Variants in HS1BP3 observed in about 807,000 individuals in gnomAD.
HS1BP3 encodes HCLS1 binding protein 3, also known as HCLS1-binding protein 3.
A neutral mutation model predicts 33.5 loss-of-function variants in HS1BP3; 32 were observed. The observed-to-expected ratio is 0.95, with a 90% confidence interval of 0.72 to 1.28. The LOEUF is 1.28. HS1BP3 is among the 50% of genes most tolerant of loss of function. The probability of loss-of-function intolerance (pLI) is 0.00; values close to 1 mark genes in which losing one functional copy is unlikely to be tolerated. For synonymous variants in HS1BP3, 187 were observed against 209.2 expected (o/e 0.89, Z 0.92); for missense variants, 486 against 502.3 (o/e 0.97, Z 0.31).
At position 20,618,873 on chromosome 2, in the gene HS1BP3, T is replaced by C; in HGVS notation, c.*114A>G. ...TTCTGGGTGCTGTGACCCAGGCTTC[T>C]GCCTGGCCTCCCCTGGGGGTGGGGA... On this transcript the variant is annotated 3_prime_UTR_variant, in exon 7 of 7. Coordinates refer to ENST00000304031, the MANE Select transcript of HS1BP3 (RefSeq NM_022460.4). 1 of 1,453,948 alleles carries C rather than the reference T, an allele frequency of 6.9e-7. No individual in the cohort carries two copies. The highest frequency in any genetic ancestry group is 9.0e-7 in the Non-Finnish European group (1 of 1,105,982). The allele number at this position is 1,453,948 out of a possible 1,614,324, so 90.1% of individuals were successfully genotyped here.
downstream of HS1BP3, among the ~76,000 whole-genome samples, chr2:20,616,722 G>A (rs550259520): frequency 3.3e-5 from 5 of 152,226 alleles, no homozygotes; most frequent in Admixed American, 2.6e-4. Flanking sequence ...GGGCAGGGCA[G>A]CTTCCCTGGC....
intron 5 of HS1BP3, among the ~76,000 whole-genome samples, chr2:20,587,358 T>C (rs948976631): frequency 6.6e-6 from 1 of 152,060 alleles, no homozygotes; most frequent in Non-Finnish European, 1.5e-5. Context: ...CATAGAAACA[T>C]GATGGCCATC....
intron 2 of HS1BP3, among the ~76,000 whole-genome samples, chr2:20,604,767 C>G (rs1204091126): frequency 6.6e-6 from 1 of 152,132 alleles, no homozygotes; most frequent in Non-Finnish European, 1.5e-5. Flanking sequence ...AGAAGCCAAG[C>G]AGGTCGCAGA....
chr2:20,589,486 T>C (rs1203833064), downstream of HS1BP3, among the ~76,000 whole-genome samples: 6 of 152,186 alleles, frequency 3.9e-5, no homozygotes, highest in Admixed American at 6.5e-5. Flanking sequence ...AGGCTGCCGA[T>C]GAAGAGATCA....
chr2:20,577,541 C>A (rs1693429718), intron 5 of HS1BP3, among the ~76,000 whole-genome samples: 1 of 152,146 alleles, frequency 6.6e-6, no homozygotes, highest in Admixed American at 6.5e-5. Flanking sequence ...TTGGAGGTGT[C>A]CCCCCAGCTC....
Position 20,638,566 on chromosome 2 carries a change from C to T in HS1BP3, c.493G>A (p.Glu165Lys). Residue 165 changes from glutamate (E) to lysine (K), a missense_variant, in exon 4 of 7, where the codon GAG becomes AAG. Transcript: ENST00000304031. Reference protein sequence around the residue: ...GTDSQTGNDEEAFDFFEEQDQ... With the variant: ...GTDSQTGNDEKAFDFFEEQDQ... ...TGCTCCTCAAAAAAGTCGAAAGCCT[C>T]TTCATCATTCCCTGTCTGACTGTCT... 1 of 1,614,254 alleles carries T rather than the reference C, an allele frequency of 6.2e-7. No individual in the cohort carries two copies.
intron 2 of HS1BP3, among the ~76,000 whole-genome samples, chr2:20,612,367 A>G (rs1694334737): frequency 6.6e-6 from 1 of 152,258 alleles, no homozygotes. Flanking sequence ...TAAGTGTACA[A>G]TTGAACAATT....
At chr2:20,646,166 G>A (rs1695514815) in intron 1 of HS1BP3, among the ~76,000 whole-genome samples, 1 of 152,242 alleles carries the variant, frequency 6.6e-6, no homozygotes, top group Non-Finnish European at 1.5e-5. Context: ...GTGATGAGAT[G>A]TTTTTCTTGA....
rs57417650 is a variant in HS1BP3, at chr2:20,641,356, C to T, written c.199-176G>A. On this transcript the variant is annotated intron_variant, in intron 2 of 6. Transcript: ENST00000304031. ...GGCTCCAGTCCTTAACACGCCTGGC[C>T]GATAGCAGATTCAATAAAAACATCT... is the stretch of plus-strand genomic sequence containing the variant. 0.058 allele frequency among the ~76,000 whole-genome samples: 8,821 copies of T among 152,152 alleles called. 262 individuals carry two copies. The highest frequency in any genetic ancestry group is 0.092 in the Middle Eastern group (27 of 294).
At position 20,645,320 on chromosome 2, in the gene HS1BP3, G is replaced by A; in HGVS notation, c.198+20C>T. 1 of 1,610,258 alleles carries A rather than the reference G, an allele frequency of 6.2e-7. No homozygotes were observed. Among genetic ancestry groups the A allele is most frequent in the Non-Finnish European group, 8.5e-7 (1 of 1,178,126 alleles). On this transcript the variant is annotated intron_variant, in intron 2 of 6. Transcript: ENST00000304031. ...ACCCCGGGCACCCTCGAAACATCCTGGCCAGAGCCTCCGGCTCACCAAGAA... is the reference window on the plus strand; with the variant it reads ...ACCCCGGGCACCCTCGAAACATCCTAGCCAGAGCCTCCGGCTCACCAAGAA...
chr2:20,597,043 T>C (rs1490742678), intron 3 of HS1BP3, among the ~76,000 whole-genome samples: 1 of 152,122 alleles, frequency 6.6e-6, no homozygotes, highest in Non-Finnish European at 1.5e-5. Flanking sequence ...AATCCCTCCT[T>C]AAAAGGGAGG....
chr2:20,640,785 C>T (rs770306657), intron 3 of HS1BP3, 188 bp downstream of exon 3: 3 of 634,366 alleles, frequency 4.7e-6, no homozygotes, highest in Non-Finnish European at 8.6e-6. Context: ...ACGTTCAGTC[C>T]CTCAAGGGTA....
At chr2:20,622,892 T>C in intron 6 of HS1BP3, 1 of 155,370 alleles carries the variant, frequency 6.4e-6, no homozygotes, top group Non-Finnish European at 1.4e-5. Flanking sequence ...GCCGTCACGG[T>C]GACTCAGGCT....
At chr2:20,610,105 A>G (rs1447069337) in intron 2 of HS1BP3, among the ~76,000 whole-genome samples, 1 of 152,172 alleles carries the variant, frequency 6.6e-6, no homozygotes, top group Non-Finnish European at 1.5e-5. Flanking sequence ...AACAGAGAGT[A>G]CAAAGTCCCC....
At chr2:20,587,222 C>T (rs1693702521) in intron 5 of HS1BP3, among the ~76,000 whole-genome samples, 1 of 152,064 alleles carries the variant, frequency 6.6e-6, no homozygotes. Flanking sequence ...AGGACACAGT[C>T]ATTTAAAGTG....
At chr2:20,596,439 T>C (rs899250618) in intron 3 of HS1BP3, among the ~76,000 whole-genome samples, 4 of 152,292 alleles carry the variant, frequency 2.6e-5, no homozygotes, top group South Asian at 2.1e-4. Context: ...TTAGTGACCT[T>C]ATAAAAGAGG....
chr2:20,640,727 TCA>T, intron 3 of HS1BP3: 1 of 601,706 alleles, frequency 1.7e-6, no homozygotes. Context: ...ATGGATGGGG[TCA>T]CACTATGGAG....
chr2:20,593,352 C>T (rs1253886173), intron 3 of HS1BP3, among the ~76,000 whole-genome samples: 1 of 152,208 alleles, frequency 6.6e-6, no homozygotes, highest in African/African-American at 2.4e-5. Flanking sequence ...ATTGTCTCCC[C>T]TCCCCTAGGC....
Position 20,638,419 on chromosome 2 carries a change from A to C in HS1BP3, c.623+17T>G. The C allele has an allele frequency of 1.9e-6, 3 of 1,611,322 alleles. No individual in the cohort carries two copies. The highest frequency in any genetic ancestry group is 2.7e-5 in the African/African-American group (2 of 74,964). ...TGGAATACACCAAAGGGGCCCTCTC[A>C]ACAACAGGAGACCAACCGCATAATG... On this transcript the variant is annotated intron_variant, in intron 4 of 6. Transcript: ENST00000304031.
Sources: allele counts gnomAD v4.1 joint callset (sites outside exome capture counted in the v4.1 genomes callset), GRCh38; gene constraint gnomAD v4.1.1; transcripts MANE v1.5; gene names NCBI Gene and HGNC (gene_info 2026-07-23, HGNC 2026-07-21).